CNTNAP2: variants seen among roughly 807,000 people sequenced by gnomAD.
The protein encoded by CNTNAP2 is contactin-associated protein-like 2.
A neutral mutation model predicts 155.2 loss-of-function variants in CNTNAP2; 98 were observed. That is an observed-to-expected ratio of 0.63 (90% CI 0.54 to 0.75). The LOEUF (loss-of-function observed/expected upper bound fraction) is 0.75, where lower values mean the gene tolerates loss of function less well. CNTNAP2 is among the 30% of genes least tolerant of loss of function. The pLI, the probability that CNTNAP2 is intolerant of heterozygous loss-of-function variation, is 0.00. For missense variants in CNTNAP2, 1,727 were observed against 1,688.1 expected (o/e 1.02, Z -0.40); for synonymous variants, 651 against 631.2 (o/e 1.03, Z -0.47).
chr7:148,090,760 GA>G (rs1278898370), intron 15 of CNTNAP2, among the ~76,000 whole-genome samples: 9 of 152,186 alleles, frequency 5.9e-5, no homozygotes, highest in Non-Finnish European at 1.2e-4. Flanking sequence ...ATATCCAAAG[GA>G]AATGAAATTA....
At chr7:147,031,212 G>T (rs1033671683) in intron 3 of CNTNAP2, among the ~76,000 whole-genome samples, 1 of 151,880 alleles carries the variant, frequency 6.6e-6, no homozygotes, top group Admixed American at 6.6e-5. Context: ...CTTATGGCTT[G>T]ACATGAAGGA....
intron 1 of CNTNAP2, among the ~76,000 whole-genome samples, chr7:146,276,777 AT>A (rs1584842939): frequency 2.0e-5 from 3 of 152,216 alleles, no homozygotes; most frequent in Middle Eastern, 3.2e-3. Context: ...GCATCCTATC[AT>A]CTGAGCTTTA....
intron 3 of CNTNAP2, among the ~76,000 whole-genome samples, chr7:146,946,558 A>C (rs1436215287): frequency 6.6e-6 from 1 of 152,138 alleles, no homozygotes; most frequent in Non-Finnish European, 1.5e-5. Context: ...ATTAGAAAAA[A>C]ATTATTTGAA....
intron 13 of CNTNAP2, among the ~76,000 whole-genome samples, chr7:147,690,274 T>C (rs1387362311): frequency 2.0e-5 from 3 of 152,194 alleles, no homozygotes; most frequent in Non-Finnish European, 4.4e-5. Context: ...AAGACGTAAC[T>C]CTGATACCAC....
chr7:148,295,909 G>A (rs1484681630), intron 21 of CNTNAP2, among the ~76,000 whole-genome samples: 2 of 152,076 alleles, frequency 1.3e-5, no homozygotes, highest in Non-Finnish European at 2.9e-5. Flanking sequence ...AAAAAGCAAG[G>A]GTCTTCCCTC....
chr7:146,238,810 C>T (rs991934195), intron 1 of CNTNAP2, among the ~76,000 whole-genome samples: 30 of 152,124 alleles, frequency 2.0e-4, no homozygotes, highest in African/African-American at 7.0e-4. Context: ...GGAGGCAAGG[C>T]ACCTTCTTCA....
At chr7:146,579,485 T>G (rs1798577397) in intron 1 of CNTNAP2, among the ~76,000 whole-genome samples, 1 of 151,910 alleles carries the variant, frequency 6.6e-6, no homozygotes, top group Non-Finnish European at 1.5e-5. Flanking sequence ...CACTGAGAAG[T>G]TAACGTTATG....
At position 147,743,143 on chromosome 7, in the gene CNTNAP2, G is replaced by C. The variant is rs568922079; in HGVS notation, c.2098+103837G>C. Reference sequence around the variant, plus strand: ...GTCAAAGCCAATAGGATAGTCAGCTGCTTTAATTTAGGAGTAACACGAGAA... The same window carrying C: ...GTCAAAGCCAATAGGATAGTCAGCTCCTTTAATTTAGGAGTAACACGAGAA... On this transcript the variant is annotated intron_variant, in intron 13 of 23. Coordinates refer to ENST00000361727, the MANE Select transcript of CNTNAP2 (RefSeq NM_014141.6). 7.9e-5 allele frequency among the ~76,000 whole-genome samples: 12 copies of C among 152,310 alleles called. 1 individual carries two copies. In the South Asian group the frequency reaches 2.5e-3, roughly 32 times the overall value.
intron 1 of CNTNAP2, among the ~76,000 whole-genome samples, chr7:146,125,456 G>A (rs1478193405): frequency 6.6e-6 from 1 of 151,394 alleles, no homozygotes; most frequent in Middle Eastern, 3.5e-3. Context: ...GGCGCCTGTA[G>A]TCCCAGCTAC....
At chr7:148,320,982 T>TA in intron 21 of CNTNAP2, among the ~76,000 whole-genome samples, 1 of 152,296 alleles carries the variant, frequency 6.6e-6, no homozygotes, top group South Asian at 2.1e-4. Context: ...GTTCATGTGA[T>TA]ACATACGCTT....
At chr7:147,407,082 C>T (rs1213764921) in intron 10 of CNTNAP2, among the ~76,000 whole-genome samples, 1 of 152,206 alleles carries the variant, frequency 6.6e-6, no homozygotes, top group African/African-American at 2.4e-5. Context: ...GGAAATTAGA[C>T]ATGACATAAA....
chr7:146,332,657 A>G (rs1801205774), intron 1 of CNTNAP2, among the ~76,000 whole-genome samples: 1 of 152,222 alleles, frequency 6.6e-6, no homozygotes, highest in South Asian at 2.1e-4. Flanking sequence ...AATCGTTAAT[A>G]CAGGCTTCCA....
intron 20 of CNTNAP2, among the ~76,000 whole-genome samples, chr7:148,259,471 T>C (rs1197299528): frequency 6.6e-6 from 1 of 152,122 alleles, no homozygotes; most frequent in African/African-American, 2.4e-5. Context: ...CTAAATTCAA[T>C]ATCGCTGAGC....
At position 148,327,859 on chromosome 7, in the gene CNTNAP2, C is replaced by G. The variant is rs1797919333; in HGVS notation, c.3476-55790C>G. Among the ~76,000 whole-genome samples, 4 of 152,190 alleles carry G rather than the reference C, an allele frequency of 2.6e-5. No individual in the cohort carries two copies. In the South Asian group the frequency reaches 8.3e-4, roughly 32 times the overall value. ...CCACTGCCCTGCACCGCCCCCACCC[C>G]TTTCTCATGGAGACCTAATCATCTC... On this transcript the variant is annotated intron_variant, in intron 21 of 23. Coordinates refer to ENST00000361727, the MANE Select transcript of CNTNAP2 (RefSeq NM_014141.6).
At chr7:148,383,244 A>C (rs1410586917) in intron 21 of CNTNAP2, among the ~76,000 whole-genome samples, 1 of 150,602 alleles carries the variant, frequency 6.6e-6, no homozygotes, top group Non-Finnish European at 1.5e-5. Context: ...AAGAGATCTA[A>C]AACAGAACCA....
At chr7:147,791,586 G>C (rs368606572) in intron 13 of CNTNAP2, among the ~76,000 whole-genome samples, 23 of 151,984 alleles carry the variant, frequency 1.5e-4, no homozygotes, top group African/African-American at 5.3e-4. Flanking sequence ...CACTAGGAGA[G>C]TATAAGGAAG....
At chr7:148,277,595 C>CG (rs1554410988) in intron 21 of CNTNAP2, among the ~76,000 whole-genome samples, 6 of 149,692 alleles carry the variant, frequency 4.0e-5, no homozygotes, top group Admixed American at 2.0e-4. Flanking sequence ...GACCGCCCCC[C>CG]ACCACCACCG....
chr7:146,629,870 T>G (rs963404485), intron 1 of CNTNAP2, among the ~76,000 whole-genome samples: 1 of 152,134 alleles, frequency 6.6e-6, no homozygotes, highest in Non-Finnish European at 1.5e-5. Flanking sequence ...GATGAGTTCA[T>G]TAGGGAGAAA....
At chr7:146,426,382 A>AATAT (rs1796089997) in intron 1 of CNTNAP2, among the ~76,000 whole-genome samples, 1 of 90,732 alleles carries the variant, frequency 1.1e-5, no homozygotes, top group Non-Finnish European at 1.9e-5. Flanking sequence ...ATGAAAACAA[A>AATAT]ATGTATATAT....
Sources: allele counts gnomAD v4.1 joint callset (sites outside exome capture counted in the v4.1 genomes callset), GRCh38; gene constraint gnomAD v4.1.1; transcripts MANE v1.5; gene names NCBI Gene and HGNC (gene_info 2026-07-23, HGNC 2026-07-21).